NECTIN1: variants seen among roughly 807,000 people sequenced by gnomAD.
The protein encoded by NECTIN1 is nectin cell adhesion molecule 1, also known as nectin-1.
In NECTIN1, 23 loss-of-function variants were observed where a neutral mutation model predicts 48.0. That is an observed-to-expected ratio of 0.48 (90% CI 0.34 to 0.68). The LOEUF (loss-of-function observed/expected upper bound fraction) is 0.68. Ranked by LOEUF, NECTIN1 falls within the 30% of genes least tolerant of loss-of-function variation. The probability of loss-of-function intolerance (pLI) is 0.01; values close to 1 mark genes in which losing one functional copy is unlikely to be tolerated. For synonymous variants in NECTIN1, 270 were observed against 288.9 expected, an observed-to-expected ratio of 0.93 and a Z score of 0.66; for missense variants, 591 against 709.9, an observed-to-expected ratio of 0.83 and a Z score of 1.90.
intron 5 of NECTIN1, among the ~76,000 whole-genome samples, chr11:119,666,793 C>T (rs528401741): frequency 2.6e-5 from 4 of 152,358 alleles, no homozygotes; most frequent in Admixed American, 1.3e-4. Flanking sequence ...ACTCCCTCCT[C>T]CTGGGGCGTG....
intron 5 of NECTIN1, chr11:119,674,658 A>G: frequency 1.2e-6 from 2 of 1,614,208 alleles, no homozygotes; most frequent in South Asian, 1.1e-5. Context: ...CTGCAGGGAA[A>G]GCTCAGTTGC....
chr11:119,641,403 A>G (rs1284985790), intron 5 of NECTIN1: 3 of 152,202 alleles, frequency 2.0e-5, no homozygotes. Context: ...AGTTCCTCCA[A>G]CAGTTTGTGG....
Position 119,684,006 on chromosome 11 carries a change from G to A in NECTIN1, c.80-5241C>T, listed in dbSNP as rs964787837. 6.6e-5 allele frequency among the ~76,000 whole-genome samples: 10 copies of A among 152,178 alleles called. No homozygotes were observed. Among genetic ancestry groups the A allele is most frequent in the African/African-American group, 1.7e-4 (7 of 41,448 alleles). ...AACACAAAGACTCCTCAGTTGTGGC[G>A]GACAAACCTGCTCCCCAAGGCCCTG... is the stretch of plus-strand genomic sequence containing the variant. On this transcript the variant is annotated intron_variant, in intron 1 of 5. Coordinates refer to ENST00000264025, the MANE Select transcript of NECTIN1 (RefSeq NM_002855.5). This position sits in a 1 kb window ranked among gnomAD's most constrained non-coding sequence, Gnocchi z 5.2.
intron 5 of NECTIN1, among the ~76,000 whole-genome samples, chr11:119,653,266 C>T (rs764020509): frequency 1.3e-5 from 2 of 152,190 alleles, no homozygotes; most frequent in Non-Finnish European, 2.9e-5. Flanking sequence ...TACACAGGAT[C>T]CCGGCAAGTA....
chr11:119,727,920 C>T lies in NECTIN1; in HGVS notation c.79+555G>A, dbSNP rs1865939105. On this transcript the variant is annotated intron_variant, in intron 1 of 5. Coordinates refer to ENST00000264025, the MANE Select transcript of NECTIN1 (RefSeq NM_002855.5). This position sits in a 1 kb window ranked among gnomAD's most constrained non-coding sequence, Gnocchi z 4.1. ...AAAGGAACCGCAGGTGAGCGAGGAGCCGCCTCTGCCGCAGCAGCCGACTCT... is the reference window on the plus strand; with the variant it reads ...AAAGGAACCGCAGGTGAGCGAGGAGTCGCCTCTGCCGCAGCAGCCGACTCT... Among the ~76,000 whole-genome samples the T allele has an allele frequency of 2.0e-5, 3 of 152,208 alleles. No homozygotes were observed. Among genetic ancestry groups the T allele is most frequent in the South Asian group, 4.1e-4 (2 of 4,830 alleles).
chr11:119,713,017 G>C (rs920715945), intron 1 of NECTIN1: 1 of 152,286 alleles, frequency 6.6e-6, no homozygotes, highest in Non-Finnish European at 1.5e-5. Flanking sequence ...AGCCAAGTGA[G>C]TCAATGGGTG....
intron 1 of NECTIN1, among the ~76,000 whole-genome samples, chr11:119,719,580 A>G (rs1865795192): frequency 6.6e-6 from 1 of 152,236 alleles, no homozygotes; most frequent in Non-Finnish European, 1.5e-5. Context: ...AAGTGATTAC[A>G]TGTAAGATGT....
intron 1 of NECTIN1, among the ~76,000 whole-genome samples, chr11:119,708,945 G>A (rs1028566494): frequency 2.0e-5 from 3 of 152,126 alleles, no homozygotes; most frequent in East Asian, 1.9e-4. Context: ...CCGGTCTTCT[G>A]AAGTCCAAGA....
chr11:119,669,406 G>A (rs533629831), intron 5 of NECTIN1, among the ~76,000 whole-genome samples: 232 of 110,226 alleles, frequency 2.1e-3, no homozygotes, highest in Middle Eastern at 8.3e-3. Context: ...GCAAGACTCC[G>A]TCTCAAAAAA....
Position 119,705,273 on chromosome 11 carries a change from G to A in NECTIN1, c.79+23202C>T, listed in dbSNP as rs1375912265. 2.6e-5 allele frequency among the ~76,000 whole-genome samples: 4 copies of A among 152,178 alleles called. No homozygotes were observed. The East Asian group carries it at 7.7e-4, about 29-fold the overall frequency. ...GGTATTCATTTATTAAAATATTCCT[G>A]CTGTCATTCAGTACCTATTAGGTCC... On this transcript the variant is annotated intron_variant, in intron 1 of 5. Transcript: ENST00000264025.
chr11:119,638,714 T>C, intron 7 of NECTIN1: 5 of 1,610,486 alleles, frequency 3.1e-6, no homozygotes, highest in Non-Finnish European at 4.2e-6. Flanking sequence ...CCTTGTCCTC[T>C]GCTGCCTCAG....
At chr11:119,716,951 C>A (rs1865752819) in intron 1 of NECTIN1, among the ~76,000 whole-genome samples, 1 of 152,284 alleles carries the variant, frequency 6.6e-6, no homozygotes, top group Non-Finnish European at 1.5e-5. Context: ...CATAAAAACA[C>A]TTGTAAAGAA....
chr11:119,670,644 C>CTTTTTTTTTT (rs56350355), intron 5 of NECTIN1, among the ~76,000 whole-genome samples: 1 of 113,892 alleles, frequency 8.8e-6, no homozygotes, highest in African/African-American at 3.4e-5. Flanking sequence ...TTCCTAAGTC[C>CTTTTTTTTTT]TTTTTTTTTT....
At chr11:119,675,036 G>A in intron 5 of NECTIN1, 123 bp downstream of exon 5, 14 of 1,227,342 alleles carry the variant, frequency 1.1e-5, no homozygotes, top group Admixed American at 3.9e-5. Context: ...AGAGCTCAAG[G>A]GAGAACTAGA....
intron 1 of NECTIN1, among the ~76,000 whole-genome samples, chr11:119,698,907 C>T (rs1385254890): frequency 6.6e-6 from 1 of 152,164 alleles, no homozygotes; most frequent in Non-Finnish European, 1.5e-5. Context: ...CCAGGCCCTC[C>T]CCAAAGGCCA....
In NECTIN1 at chr11:119,677,480, G is replaced by T; in HGVS notation, c.733+75C>A. The T allele has an allele frequency of 2.0e-6, 3 of 1,510,056 alleles. No individual in the cohort carries two copies. The highest frequency in any genetic ancestry group is 2.8e-6 in the Non-Finnish European group (3 of 1,087,990). The allele number at this position is 1,510,056 out of a possible 1,614,324, so 93.5% of individuals were successfully genotyped here. ...AAGCACCCCCAGAAAGAGAAAGGGA[G>T]GAGAAAGGAGAGGAGGAGGGAGGAG... On this transcript the variant is annotated intron_variant, in intron 3 of 5. Transcript: ENST00000264025. This position sits in a 1 kb window ranked among gnomAD's most constrained non-coding sequence, Gnocchi z 5.4.
At chr11:119,660,093 G>A (rs1466670201), downstream of NECTIN1, among the ~76,000 whole-genome samples, 1 of 152,174 alleles carries the variant, frequency 6.6e-6, no homozygotes, top group Admixed American at 6.5e-5. Context: ...ATGTGGCCTT[G>A]CCCACAATGG....
intron 1 of NECTIN1, among the ~76,000 whole-genome samples, chr11:119,700,067 G>A (rs1342641672): frequency 1.3e-5 from 2 of 152,212 alleles, no homozygotes; most frequent in Non-Finnish European, 2.9e-5. Flanking sequence ...CGACAACCGT[G>A]TTCATGATTC....
intron 1 of NECTIN1, among the ~76,000 whole-genome samples, chr11:119,723,739 G>T (rs1019804429): frequency 6.6e-6 from 1 of 152,164 alleles, no homozygotes; most frequent in African/African-American, 2.4e-5. Flanking sequence ...CAGCACGAGA[G>T]AATCCAGAGC....
Sources: gnomAD v4.1 joint callset for allele counts (sites outside exome capture counted in the v4.1 genomes callset) on GRCh38, gnomAD v4.1.1 for gene constraint, Gnocchi (gnomAD v3.1) non-coding constraint, MANE v1.5 for transcripts, NCBI Gene and HGNC (gene_info 2026-07-23, HGNC 2026-07-21) for gene names.